Variants in API5 observed in about 807,000 individuals in gnomAD.
API5 encodes the protein apoptosis inhibitor 5.
A neutral mutation model predicts 71.9 loss-of-function variants in API5; 6 were observed. That is an observed-to-expected ratio of 0.08 (90% confidence interval 0.05 to 0.16). The LOEUF (loss-of-function observed/expected upper bound fraction) is 0.16, where lower values mean the gene tolerates loss of function less well. Ranked by LOEUF, API5 falls within the 10% of genes least tolerant of loss-of-function variation. The pLI, the probability that API5 is intolerant of heterozygous loss-of-function variation, is 1.00. For synonymous variants in API5, 189 were observed against 221.3 expected (o/e 0.85, Z 1.30); for missense variants, 332 against 612.8 (o/e 0.54, Z 4.84).
At chr11:43,329,585 A>G (rs1004910079) in intron 9 of API5, among the ~76,000 whole-genome samples, 1 of 152,236 alleles carries the variant, frequency 6.6e-6, no homozygotes, top group Non-Finnish European at 1.5e-5. Flanking sequence ...TGCCTGGCAA[A>G]TAGTAGGTAT....
chr11:43,321,897 G>A (rs2134351259), intron 4 of API5, 88 bp from the exon 5 acceptor site: 1 of 1,315,072 alleles, frequency 7.6e-7, no homozygotes, highest in East Asian at 2.4e-5. Flanking sequence ...TAACTTATTT[G>A]AGAAGAAATA....
At chr11:43,337,983 C>A (rs757111470) in intron 13 of API5, among the ~76,000 whole-genome samples, 2 of 152,138 alleles carry the variant, frequency 1.3e-5, no homozygotes, top group African/African-American at 2.4e-5. Flanking sequence ...CACAAAAAAA[C>A]TGTCAACATG....
intron 9 of API5, 164 bp downstream of exon 9, chr11:43,329,057 A>G: frequency 1.4e-6 from 1 of 703,804 alleles, no homozygotes; most frequent in Non-Finnish European, 2.3e-6. Context: ...TATGACAGAA[A>G]TGAGCCAGGC....
At chr11:43,321,796 G>A (rs920594225) in intron 4 of API5, among the ~76,000 whole-genome samples, 189 bp from the exon 5 acceptor site, 1 of 152,142 alleles carries the variant, frequency 6.6e-6, no homozygotes, top group Non-Finnish European at 1.5e-5. Flanking sequence ...AGCTGACTAT[G>A]TCTTCATGAA....
chr11:43,329,016 A>G, intron 9 of API5, 123 bp downstream of exon 9: 1 of 982,826 alleles, frequency 1.0e-6, no homozygotes, highest in Non-Finnish European at 1.5e-6. Flanking sequence ...TACAGATTGG[A>G]GGGTTCAGAA....
At chr11:43,335,106 T>C (rs1408886304) in intron 11 of API5, among the ~76,000 whole-genome samples, 172 bp from the exon 12 acceptor site, 2 of 152,234 alleles carry the variant, frequency 1.3e-5, no homozygotes, top group Non-Finnish European at 2.9e-5. Context: ...ATTATGTTAA[T>C]GAGGTAATAC....
intron 1 of API5, among the ~76,000 whole-genome samples, chr11:43,315,945 A>C (rs1333697525): frequency 6.6e-6 from 1 of 152,206 alleles, no homozygotes; most frequent in East Asian, 1.9e-4. Context: ...TCAAAATCTT[A>C]AAAGTTAAAA....
intron 1 of API5, among the ~76,000 whole-genome samples, chr11:43,316,817 G>A (rs1190468483): frequency 6.6e-6 from 1 of 152,070 alleles, no homozygotes; most frequent in African/African-American, 2.4e-5. Flanking sequence ...ACCATGCCTG[G>A]TTAATTTTAT....
Position 43,312,009 on chromosome 11 carries a change from G to T in API5, c.-119G>T. ...GCGCTGTGCGCGGTGACTGGCGGCTGCACTGGCGGCAGCTGGAGGTGTAAT... is the reference window on the plus strand; with the variant it reads ...GCGCTGTGCGCGGTGACTGGCGGCTTCACTGGCGGCAGCTGGAGGTGTAAT... On this transcript the variant is annotated 5_prime_UTR_variant, in exon 1 of 14. Coordinates refer to ENST00000531273, the MANE Select transcript of API5 (RefSeq NM_001142930.2). The T allele has an allele frequency of 8.8e-7, 1 of 1,140,902 alleles. No homozygotes were observed. Among genetic ancestry groups the T allele is most frequent in the Non-Finnish European group, 1.3e-6 (1 of 793,954 alleles). The allele number at this position is 1,140,902 out of a possible 1,614,324, so 70.7% of individuals were successfully genotyped here.
intron 2 of API5, among the ~76,000 whole-genome samples, chr11:43,319,495 T>G (rs1003982124): frequency 4.6e-5 from 7 of 152,188 alleles, no homozygotes; most frequent in Admixed American, 1.3e-4. Flanking sequence ...CAGTTGCACA[T>G]CCATAGCTCA....
At chr11:43,334,713 C>T (rs1349421700) in intron 11 of API5, among the ~76,000 whole-genome samples, 5 of 152,022 alleles carry the variant, frequency 3.3e-5, no homozygotes, top group African/African-American at 1.2e-4. Context: ...TTTGATCACT[C>T]GGTATTTAAA....
chr11:43,317,458 T>G (rs1422350351), intron 1 of API5, among the ~76,000 whole-genome samples: 12 of 152,090 alleles, frequency 7.9e-5, no homozygotes, highest in Non-Finnish European at 2.9e-5. Flanking sequence ...TTAGAGTCCG[T>G]CTTAATCCAA....
rs750209391 is a variant in API5 at position 43,312,182 on chromosome 11, G to A, written c.55G>A (p.Glu19Lys). 1 of 1,613,898 alleles carries A rather than the reference G, an allele frequency of 6.2e-7. No homozygotes were observed. Among genetic ancestry groups the A allele is most frequent in the Non-Finnish European group, 8.5e-7 (1 of 1,179,892 alleles). The change falls in exon 1 of 14, where the codon GAG becomes AAG. Residue 19 changes from glutamate (E) to lysine (K), a missense_variant. Physicochemically the swap from Glu to Lys is moderately conservative, Grantham distance 56 (BLOSUM62 1). Around this residue, in one of 3 missense-constraint regions of API5, gnomAD observed 127 missense variants for 237.6 expected, o/e 0.53. Coordinates refer to ENST00000531273, the MANE Select transcript of API5 (RefSeq NM_001142930.2). ...RNYGILADAT[E>K]QVGQHKDAYQ... ...TTATGGCATCCTGGCCGATGCCACGGAGCAAGTGGGCCAGGTGAGTTGAGT... is the reference window on the plus strand; with the variant it reads ...TTATGGCATCCTGGCCGATGCCACGAAGCAAGTGGGCCAGGTGAGTTGAGT...
chr11:43,313,243 C>G (rs1006616289), intron 1 of API5, among the ~76,000 whole-genome samples: 1 of 152,090 alleles, frequency 6.6e-6, no homozygotes, highest in Non-Finnish European at 1.5e-5. Context: ...GCTCTCTTAA[C>G]GATGCTTGCC....
At chr11:43,329,937 G>A (rs1236248311) in intron 9 of API5, 28 bp from the exon 10 acceptor site, 42 of 1,594,448 alleles carry the variant, frequency 2.6e-5, no homozygotes, top group Non-Finnish European at 3.4e-5. Flanking sequence ...GTGATGAATT[G>A]CTAATTAACA....
chr11:43,341,856 A>G (rs1296141714), intron 13 of API5, among the ~76,000 whole-genome samples: 1 of 152,180 alleles, frequency 6.6e-6, no homozygotes, highest in Non-Finnish European at 1.5e-5. Context: ...TTGAAGAATT[A>G]AGTTTTTTAA....
At chr11:43,330,943 C>T (rs1855231198) in intron 11 of API5, among the ~76,000 whole-genome samples, 1 of 152,124 alleles carries the variant, frequency 6.6e-6, no homozygotes, top group Non-Finnish European at 1.5e-5. Context: ...CTTTTCAATT[C>T]TGTTTACCCT....
intron 11 of API5, among the ~76,000 whole-genome samples, chr11:43,332,848 C>T (rs1399818874): frequency 6.6e-6 from 1 of 152,118 alleles, no homozygotes; most frequent in Non-Finnish European, 1.5e-5. Flanking sequence ...TGAGTTCCGA[C>T]CCTGTAAGTA....
chr11:43,342,711 G>T lies in API5; in HGVS notation c.*201G>T. The stretch of plus-strand genomic sequence containing the variant: ...AGGTAAAACCACAGTGATATTTTTG[G>T]ATGCTTTGTCTGCAATCTTGACTTG... On this transcript the variant is annotated 3_prime_UTR_variant, in exon 14 of 14. Coordinates refer to ENST00000531273, the MANE Select transcript of API5 (RefSeq NM_001142930.2). 1 of 684,358 alleles carries T rather than the reference G, an allele frequency of 1.5e-6. No individual in the cohort carries two copies. Among genetic ancestry groups the T allele is most frequent in the African/African-American group, 1.8e-5 (1 of 56,712 alleles). 42.4% of individuals were successfully genotyped at this position (684,358 alleles called of 1,614,324 possible). A position where few individuals can be genotyped will look rare whatever the true frequency, so the allele number is the denominator to read the frequency against.
Sources: gnomAD v4.1 joint callset for allele counts (sites outside exome capture counted in the v4.1 genomes callset) on GRCh38, gnomAD v4.1.1 for gene constraint, gnomAD v4.1.1 regional missense constraint, MANE v1.5 for transcripts, NCBI Gene and HGNC (gene_info 2026-07-23, HGNC 2026-07-21) for gene names.